PCDH15: variants seen among roughly 807,000 people sequenced by gnomAD.
PCDH15 encodes protocadherin related 15.
PCDH15 carries 129 observed loss-of-function variants against 178.5 expected under a neutral mutation model. The ratio of observed to expected loss-of-function variants is 0.72; its 90% CI spans 0.63 to 0.84. The LOEUF (loss-of-function observed/expected upper bound fraction) is 0.84. Among genes scored for constraint, PCDH15 ranks in the 40% least tolerant of loss-of-function variants. The probability of loss-of-function intolerance (pLI) is 0.00; values close to 1 mark genes in which losing one functional copy is unlikely to be tolerated. For synonymous variants in PCDH15, 800 were observed against 732.0 expected (o/e 1.09, Z -1.50); for missense variants, 2,230 against 2,099.9 (o/e 1.06, Z -1.21).
chr10:55,497,650 C>A (rs1840565018), intron 2 of PCDH15, among the ~76,000 whole-genome samples: 2 of 151,506 alleles, frequency 1.3e-5, no homozygotes, highest in East Asian at 2.0e-4. Flanking sequence ...AAGAGCAAAC[C>A]AATAGAAGAT....
rs145607485 is a variant in PCDH15, at chr10:54,944,474, C to A, written c.-79-46974G>T. Among the ~76,000 whole-genome samples the A allele has an allele frequency of 4.3e-4, 66 of 151,968 alleles. 1 individual carries two copies. Among genetic ancestry groups the A allele is most frequent in the Non-Finnish European group, 7.2e-4 (49 of 67,830 alleles). On this transcript the variant is annotated intron_variant, in intron 2 of 5. Coordinates refer to the PCDH15 transcript ENST00000458638. ...AAGATTAACAGAATCAACTAAAGGG[C>A]AGTCAGAGGAGCTGTCTGGATTTTG...
chr10:54,506,596 C>T (rs906496406), intron 3 of PCDH15, among the ~76,000 whole-genome samples: 38 of 151,930 alleles, frequency 2.5e-4, no homozygotes, highest in African/African-American at 8.9e-4. Context: ...AAGGTTAACA[C>T]TTTTGGGTCT....
intron 2 of PCDH15, among the ~76,000 whole-genome samples, chr10:55,609,043 C>G (rs1843299180): frequency 6.6e-6 from 1 of 151,726 alleles, no homozygotes; most frequent in Non-Finnish European, 1.5e-5. Context: ...CACACACACA[C>G]ACGCACACAC....
intron 33 of PCDH15, among the ~76,000 whole-genome samples, chr10:53,818,710 A>G (rs1341181285): frequency 6.6e-6 from 1 of 152,138 alleles, no homozygotes; most frequent in Non-Finnish European, 1.5e-5. Flanking sequence ...TTACTAATAA[A>G]TAATGAAAAT....
intron 2 of PCDH15, among the ~76,000 whole-genome samples, chr10:54,947,660 C>T (rs1249062813): frequency 1.3e-5 from 2 of 151,798 alleles, no homozygotes; most frequent in African/African-American, 4.8e-5. Flanking sequence ...ATCTTTCAAA[C>T]CCAATATGTT....
intron 9 of PCDH15, among the ~76,000 whole-genome samples, chr10:54,229,551 G>A (rs1024943250): frequency 2.0e-5 from 3 of 152,114 alleles, no homozygotes; most frequent in African/African-American, 7.2e-5. Flanking sequence ...GCTTGTGGGA[G>A]GTAATTGAAT....
intron 26 of PCDH15, among the ~76,000 whole-genome samples, chr10:53,874,113 A>G (rs1014665357): frequency 6.6e-6 from 1 of 152,152 alleles, no homozygotes; most frequent in East Asian, 1.9e-4. Flanking sequence ...TACTGATGGG[A>G]GCTTTCATTT....
chr10:54,221,048 C>A (rs2052749739), intron 9 of PCDH15, among the ~76,000 whole-genome samples: 1 of 151,972 alleles, frequency 6.6e-6, no homozygotes, highest in Admixed American at 6.6e-5. Flanking sequence ...AAAAAATTAG[C>A]CGGGCGAGGT....
rs1591749917 is a variant in PCDH15, at chr10:54,863,259, G to A, written c.-29+34191C>T. Among the ~76,000 whole-genome samples the A allele has an allele frequency of 2.0e-5, 3 of 152,238 alleles. No homozygotes were observed. The East Asian group carries it at 5.8e-4, about 29-fold the overall frequency. On this transcript the variant is annotated intron_variant, in intron 3 of 5. Coordinates refer to the PCDH15 transcript ENST00000458638. The stretch of plus-strand genomic sequence containing the variant: ...TTATTCTATAAAAATATATTTGACT[G>A]AGGCAGGGCACGGTGGCTCACGCCT...
chr10:54,986,752 G>A (rs1839376780), intron 2 of PCDH15, among the ~76,000 whole-genome samples: 1 of 152,056 alleles, frequency 6.6e-6, no homozygotes, highest in Admixed American at 6.5e-5. Context: ...CCGCTTTGAT[G>A]TGCCTGTGTA....
At chr10:54,443,196 T>TA (rs895439972) in intron 3 of PCDH15, among the ~76,000 whole-genome samples, 1 of 151,656 alleles carries the variant, frequency 6.6e-6, no homozygotes, top group African/African-American at 2.4e-5. Context: ...TTTCTTTGCC[T>TA]ATGTACACCA....
At chr10:54,110,726 G>T (rs1448296567) in intron 15 of PCDH15, among the ~76,000 whole-genome samples, 1 of 152,052 alleles carries the variant, frequency 6.6e-6, no homozygotes, top group African/African-American at 2.4e-5. Context: ...AAAAAGCTTT[G>T]TTCTTATGTG....
intron 22 of PCDH15, among the ~76,000 whole-genome samples, chr10:53,961,038 T>C (rs1353513331): frequency 2.0e-5 from 3 of 152,298 alleles, no homozygotes; most frequent in Non-Finnish European, 4.4e-5. Context: ...GAATATGTTC[T>C]GTTTCATTAG....
chr10:53,949,843 T>C (rs374440456), intron 23 of PCDH15, among the ~76,000 whole-genome samples: 3 of 152,234 alleles, frequency 2.0e-5, no homozygotes, highest in Non-Finnish European at 4.4e-5. Flanking sequence ...TGTGATAATA[T>C]TACTTGCATT....
chr10:55,457,951 A>G (rs571597554), intron 2 of PCDH15, among the ~76,000 whole-genome samples: 1 of 152,206 alleles, frequency 6.6e-6, no homozygotes, highest in African/African-American at 2.4e-5. Context: ...AGATATTTAG[A>G]AAGCACAGGC....
chr10:54,916,346 TCAG>T (rs1954900953), intron 2 of PCDH15, among the ~76,000 whole-genome samples: 1 of 152,172 alleles, frequency 6.6e-6, no homozygotes, highest in African/African-American at 2.4e-5. Flanking sequence ...TTTGACACTA[TCAG>T]CTTTCTCTTT....
chr10:55,394,374 C>T (rs1465937902), intron 2 of PCDH15, among the ~76,000 whole-genome samples: 1 of 151,146 alleles, frequency 6.6e-6, no homozygotes, highest in Admixed American at 6.6e-5. Context: ...AAGCAAATCC[C>T]AGATGTGATT....
chr10:55,029,491 G>A (rs1388980305), intron 2 of PCDH15, among the ~76,000 whole-genome samples: 1 of 152,010 alleles, frequency 6.6e-6, no homozygotes, highest in African/African-American at 2.4e-5. Context: ...CAACACTTCT[G>A]TGCTGAGCTG....
chr10:55,173,309 A>ATGTGTGTGTGTGTG (rs775260037), intron 1 of PCDH15, among the ~76,000 whole-genome samples: 5,471 of 132,824 alleles, frequency 0.041, 145 homozygotes, highest in Middle Eastern at 0.053. Flanking sequence ...TAGAAAGATT[A>ATGTGTGTGTGTGTG]TGTGTGTGTG....
Sources: allele counts gnomAD v4.1 joint callset (sites outside exome capture counted in the v4.1 genomes callset), GRCh38; gene constraint gnomAD v4.1.1; transcripts MANE v1.5; gene names NCBI Gene and HGNC (gene_info 2026-07-23, HGNC 2026-07-21).